The following PRKN variants were observed in gnomAD, a reference collection of about 807,000 sequenced individuals.
PRKN encodes parkin RBR E3 ubiquitin protein ligase.
Under a neutral mutation model 59.5 loss-of-function variants are expected in PRKN, and 56 were observed. That is an observed-to-expected ratio of 0.94 (90% confidence interval 0.76 to 1.18). PRKN has a LOEUF of 1.18. Ranked by LOEUF, PRKN falls within the 50% of genes most tolerant of loss-of-function variation. The pLI is 0.00. For missense variants in PRKN, 657 were observed against 596.4 expected (o/e 1.10, Z -1.06); for synonymous variants, 250 against 222.1 (o/e 1.13, Z -1.12).
chr6:162,263,121 CCAGGCTGGAGTG>C (rs1353226139), intron 2 of PRKN: 2 of 341,482 alleles, frequency 5.9e-6, no homozygotes, highest in African/African-American at 4.3e-5. Context: ...ACTCTGTCAT[CCAGGCTGGAGTG>C]CAGTGGTGTG....
Position 161,460,023 on chromosome 6 carries a change from C to T in PRKN, c.1084-73146G>A. 6.6e-6 allele frequency among the ~76,000 whole-genome samples: 1 copy of T among 152,170 alleles called. No individual in the cohort carries two copies. Among genetic ancestry groups the T allele is most frequent in the South Asian group, 2.1e-4 (1 of 4,828 alleles). ...TCAACTATCCATCCATCAGTCCATC[C>T]ATCCATCCATTCATCCAACCATTCA... On this transcript the variant is annotated intron_variant, in intron 9 of 11. Transcript: ENST00000366898. This position sits in a 1 kb window ranked among gnomAD's most constrained non-coding sequence, Gnocchi z 5.0.
intron 5 of PRKN, among the ~76,000 whole-genome samples, chr6:162,048,452 G>A (rs1777477723): frequency 6.6e-6 from 1 of 151,916 alleles, no homozygotes. Context: ...GGAGGGGAGC[G>A]TTGGATGACA....
intron 2 of PRKN, among the ~76,000 whole-genome samples, chr6:162,316,185 G>A (rs9458512): frequency 0.26 from 38,929 of 151,368 alleles, 6,397 homozygotes; most frequent in East Asian, 0.53. Flanking sequence ...AGGCATACAA[G>A]ATGTATAGGA....
chr6:161,957,431 TG>T (rs1446771764), intron 6 of PRKN, among the ~76,000 whole-genome samples: 1,761 of 134,270 alleles, frequency 0.013, 26 homozygotes, highest in African/African-American at 0.033. Flanking sequence ...TTTGTTTGTT[TG>T]TTTGTTTTTT....
In PRKN at chr6:161,414,025, G is replaced by C. The variant is rs756181247; in HGVS notation, c.1084-27148C>G. On this transcript the variant is annotated intron_variant, in intron 9 of 11. Transcript: ENST00000366898. This position sits in a 1 kb window ranked among gnomAD's most constrained non-coding sequence, Gnocchi z 5.3. ...AAGCAGCCAGGCAGAGCGGTGGGACGTGAAACTCCTCGACAGCACTGTGTC... is the reference window on the plus strand; with the variant it reads ...AAGCAGCCAGGCAGAGCGGTGGGACCTGAAACTCCTCGACAGCACTGTGTC... Among the ~76,000 whole-genome samples the C allele has an allele frequency of 6.6e-6, 1 of 152,102 alleles. No homozygotes were observed. Among genetic ancestry groups the C allele is most frequent in the Non-Finnish European group, 1.5e-5 (1 of 68,028 alleles).
intron 6 of PRKN, among the ~76,000 whole-genome samples, chr6:161,846,370 T>C (rs918875892): frequency 6.6e-6 from 1 of 152,214 alleles, no homozygotes; most frequent in Admixed American, 6.5e-5. Context: ...CTATTTTACA[T>C]AGATTATCTT....
At chr6:162,007,841 T>C (rs1782320350) in intron 5 of PRKN, among the ~76,000 whole-genome samples, 1 of 152,126 alleles carries the variant, frequency 6.6e-6, no homozygotes, top group African/African-American at 2.4e-5. Context: ...TGAACACCTT[T>C]TTAAAAAGCC....
At chr6:161,733,892 AT>A (rs1290652235) in intron 7 of PRKN, among the ~76,000 whole-genome samples, 1 of 149,374 alleles carries the variant, frequency 6.7e-6, no homozygotes, top group African/African-American at 2.5e-5. Context: ...TCTCCAAAAA[AT>A]AACTTTCATC....
At chr6:162,663,831 T>C (rs1778989814) in intron 1 of PRKN, among the ~76,000 whole-genome samples, 1 of 152,136 alleles carries the variant, frequency 6.6e-6, no homozygotes, top group Non-Finnish European at 1.5e-5. Flanking sequence ...GGGGAGAATG[T>C]AGCTGAATTC....
At position 161,393,900 on chromosome 6, in the gene PRKN, T is replaced by A. The variant is rs891123196; in HGVS notation, c.1084-7023A>T. ...AATCAAATACCATCTTAGGACCCCT[T>A]ACTAGAGTCAAGGCAAACATCAAAG... On this transcript the variant is annotated intron_variant, in intron 9 of 11. Coordinates refer to ENST00000366898, the MANE Select transcript of PRKN (RefSeq NM_004562.3). The surrounding 1 kb of genome is among the most constrained non-coding windows in gnomAD (Gnocchi z 4.7). 2.0e-5 allele frequency among the ~76,000 whole-genome samples: 3 copies of A among 152,210 alleles called. No homozygotes were observed. Among genetic ancestry groups the A allele is most frequent in the African/African-American group, 7.2e-5 (3 of 41,454 alleles).
rs537891096 is a variant in PRKN, at chr6:162,455,858, G to T, written c.8-12385C>A. ...AATTTTTCCCAATGTTTCAAAATTT[G>T]TCAGATTGAACAAAATACCTCTAAA... On this transcript the variant is annotated intron_variant, in intron 1 of 11. Transcript: ENST00000366898. Among the ~76,000 whole-genome samples, 38 of 152,074 alleles carry T rather than the reference G, an allele frequency of 2.5e-4. 1 individual carries two copies. Among genetic ancestry groups the T allele is most frequent in the African/African-American group, 8.2e-4 (34 of 41,482 alleles).
At chr6:162,194,090 C>T (rs143423777) in intron 4 of PRKN, among the ~76,000 whole-genome samples, 79 of 152,114 alleles carry the variant, frequency 5.2e-4, no homozygotes, top group Middle Eastern at 3.4e-3. Flanking sequence ...AGAAAGAAAT[C>T]GGTATAAGCC....
intron 2 of PRKN, among the ~76,000 whole-genome samples, chr6:162,399,903 A>G (rs2128148970): frequency 6.6e-6 from 1 of 152,306 alleles, no homozygotes; most frequent in Admixed American, 6.5e-5. Context: ...ATGATTTGGA[A>G]AAAAAAGAAA....
intron 9 of PRKN, among the ~76,000 whole-genome samples, chr6:161,431,466 T>G (rs534587784): frequency 2.6e-4 from 39 of 152,198 alleles, no homozygotes; most frequent in African/African-American, 8.7e-4. Context: ...TATCATAAAA[T>G]GTTTATTCCC....
chr6:162,491,057 C>T (rs1266307632), intron 1 of PRKN, among the ~76,000 whole-genome samples: 3 of 151,000 alleles, frequency 2.0e-5, no homozygotes, highest in Admixed American at 1.3e-4. Flanking sequence ...GATCTCAGAT[C>T]GCAGCACTGC....
chr6:161,386,645 A>G lies in PRKN; in HGVS notation c.1167+149T>C. The G allele has an allele frequency of 1.4e-6, 1 of 717,870 alleles. No individual in the cohort carries two copies. Among genetic ancestry groups the G allele is most frequent in the South Asian group, 1.5e-5 (1 of 64,782 alleles). The allele number at this position is 717,870 out of a possible 1,614,324, so 44.5% of individuals were successfully genotyped here. A position where few individuals can be genotyped will look rare whatever the true frequency, so the allele number is the denominator to read the frequency against. On this transcript the variant is annotated intron_variant, in intron 10 of 11. Transcript: ENST00000366898. The surrounding 1 kb of genome is among the most constrained non-coding windows in gnomAD (Gnocchi z 4.3). The stretch of plus-strand genomic sequence containing the variant: ...CCCCAAGGAGGGGAGTCATTCTGGG[A>G]GAAGCCACGGCCCCATTCCCATGGC...
chr6:162,379,960 A>G (rs1044155228), intron 2 of PRKN, among the ~76,000 whole-genome samples: 12 of 152,186 alleles, frequency 7.9e-5, no homozygotes, highest in Non-Finnish European at 1.8e-4. Context: ...AGCGTTTGGA[A>G]GCTTTAATGT....
chr6:162,281,066 T>A (rs1240754061), intron 2 of PRKN, among the ~76,000 whole-genome samples: 1 of 151,962 alleles, frequency 6.6e-6, no homozygotes, highest in African/African-American at 2.4e-5. Flanking sequence ...AAAATACAAC[T>A]CAGCATAGTA....
chr6:162,620,546 TAAGA>T (rs1197123581), intron 1 of PRKN, among the ~76,000 whole-genome samples: 6 of 152,354 alleles, frequency 3.9e-5, no homozygotes, highest in African/African-American at 9.6e-5. Flanking sequence ...TGCTGCTGCA[TAAGA>T]AAGAGTTTTG....
Sources: gnomAD v4.1 joint callset for allele counts (sites outside exome capture counted in the v4.1 genomes callset) on GRCh38, gnomAD v4.1.1 for gene constraint, Gnocchi (gnomAD v3.1) non-coding constraint, MANE v1.5 for transcripts, NCBI Gene and HGNC (gene_info 2026-07-23, HGNC 2026-07-21) for gene names.